SEPTIN14: variants seen among roughly 807,000 people sequenced by gnomAD.
The protein encoded by SEPTIN14 is septin-14.
Under a neutral mutation model 53.6 loss-of-function variants are expected in SEPTIN14, and 40 were observed. That is an observed-to-expected ratio of 0.75 (90% CI 0.58 to 0.97). The LOEUF (loss-of-function observed/expected upper bound fraction) is 0.97. Among genes scored for constraint, SEPTIN14 ranks in the 50% least tolerant of loss-of-function variants. The pLI is 0.00. For missense variants in SEPTIN14, 471 were observed against 508.2 expected (o/e 0.93, Z 0.70); for synonymous variants, 138 against 166.8 (o/e 0.83, Z 1.33).
At chr7:55,831,044 A>AT (rs1442679909) in intron 6 of SEPTIN14, among the ~76,000 whole-genome samples, 1 of 152,168 alleles carries the variant, frequency 6.6e-6, no homozygotes, top group Non-Finnish European at 1.5e-5. Flanking sequence ...TCATTTTTTC[A>AT]CAGAATTAGA....
At chr7:55,822,487 C>CA (rs1417724807) in intron 6 of SEPTIN14, among the ~76,000 whole-genome samples, 1 of 151,708 alleles carries the variant, frequency 6.6e-6, no homozygotes, top group Non-Finnish European at 1.5e-5. Flanking sequence ...ACATACTATT[C>CA]AACCTCAGGA....
chr7:55,798,814 G>A (rs554789399), intron 9 of SEPTIN14: 122 of 173,382 alleles, frequency 7.0e-4, no homozygotes, highest in African/African-American at 2.7e-3. Flanking sequence ...AACAAGGACC[G>A]AAAGAAGTCC....
intron 5 of SEPTIN14, among the ~76,000 whole-genome samples, chr7:55,835,542 T>A (rs1036297745): frequency 2.0e-5 from 3 of 152,062 alleles, no homozygotes; most frequent in African/African-American, 7.2e-5. Flanking sequence ...TTAAGCTGAG[T>A]GATAAAAGAC....
At chr7:55,796,205 T>G in intron 9 of SEPTIN14, 113 bp from the exon 10 acceptor site, 1 of 680,216 alleles carries the variant, frequency 1.5e-6, no homozygotes, top group Non-Finnish European at 2.5e-6. Flanking sequence ...TAGAGCATGA[T>G]CTTAATAACA....
At chr7:55,844,256 A>C (rs1789363269) in intron 4 of SEPTIN14, among the ~76,000 whole-genome samples, 1 of 152,220 alleles carries the variant, frequency 6.6e-6, no homozygotes, top group African/African-American at 2.4e-5. Flanking sequence ...AAATTTGTAC[A>C]AATAAAGTTA....
intron 9 of SEPTIN14, chr7:55,798,664 T>C (rs1282437615): frequency 1.6e-5 from 5 of 311,418 alleles, no homozygotes; most frequent in Non-Finnish European, 2.5e-5. Flanking sequence ...CACCAGGCTC[T>C]GGCAGGGCCC....
At chr7:55,838,026 G>T (rs776891892) in intron 5 of SEPTIN14, among the ~76,000 whole-genome samples, 3 of 152,158 alleles carry the variant, frequency 2.0e-5, no homozygotes, top group Non-Finnish European at 2.9e-5. Context: ...AATTCCTTCT[G>T]TATGGATAAA....
intron 6 of SEPTIN14, among the ~76,000 whole-genome samples, chr7:55,827,444 G>C (rs148943182): frequency 1.3e-4 from 20 of 152,284 alleles, no homozygotes; most frequent in Middle Eastern, 6.8e-3. Context: ...TATGAACTGA[G>C]AGTCATGAAC....
At chr7:55,804,613 G>A (rs1400645901) in intron 9 of SEPTIN14, among the ~76,000 whole-genome samples, 1 of 152,012 alleles carries the variant, frequency 6.6e-6, no homozygotes, top group African/African-American at 2.4e-5. Context: ...CTGGCCTATA[G>A]CACCTAATTA....
chr7:55,806,164 A>AT (rs925385388), intron 8 of SEPTIN14, among the ~76,000 whole-genome samples: 13 of 151,270 alleles, frequency 8.6e-5, no homozygotes, highest in Admixed American at 1.3e-4. Context: ...CGCCCAGCTA[A>AT]TTTTTTTTGT....
chr7:55,796,872 C>T (rs1239792929), intron 9 of SEPTIN14, among the ~76,000 whole-genome samples: 1 of 151,978 alleles, frequency 6.6e-6, no homozygotes, highest in Non-Finnish European at 1.5e-5. Context: ...CACCTGTAAT[C>T]CCAGCACTTT....
chr7:55,853,212 A>G (rs2116072391), intron 2 of SEPTIN14, among the ~76,000 whole-genome samples: 1 of 152,264 alleles, frequency 6.6e-6, no homozygotes, highest in East Asian at 1.9e-4. Context: ...AGTACATTGA[A>G]GAGATATCTA....
intron 9 of SEPTIN14, among the ~76,000 whole-genome samples, chr7:55,804,447 C>T (rs1298313144): frequency 1.3e-5 from 2 of 151,674 alleles, no homozygotes; most frequent in African/African-American, 4.8e-5. Flanking sequence ...TTAGTTGAGA[C>T]GGGGTTTCAC....
chr7:55,796,184 AATC>A (rs1373863660), intron 9 of SEPTIN14, 92 bp from the exon 10 acceptor site: 1 of 791,290 alleles, frequency 1.3e-6, no homozygotes, highest in African/African-American at 1.7e-5. Context: ...AACAAACCCA[AATC>A]ATCACAGTAG....
chr7:55,806,468 T>C (rs1293950736), intron 8 of SEPTIN14, among the ~76,000 whole-genome samples: 1 of 113,652 alleles, frequency 8.8e-6, no homozygotes, highest in African/African-American at 5.4e-5. Context: ...TCTTTTTTTT[T>C]CTTTTTTTTT....
intron 5 of SEPTIN14, among the ~76,000 whole-genome samples, chr7:55,842,320 T>C (rs1789326205): frequency 6.6e-6 from 1 of 152,018 alleles, no homozygotes; most frequent in Admixed American, 6.6e-5. Context: ...TCATGAAAGG[T>C]TGAGACCAGG....
At position 55,822,999 on chromosome 7, in the gene SEPTIN14, A is replaced by G. The variant is rs971322049; in HGVS notation, c.721-3776T>C. ...CCCTCGGCTGATACAAAAAATTGCA[A>G]GTTAGCTCACTGCCACTGATAGTGG... is the stretch of plus-strand genomic sequence containing the variant. On this transcript the variant is annotated intron_variant, in intron 6 of 9. Coordinates refer to ENST00000388975, the MANE Select transcript of SEPTIN14 (RefSeq NM_207366.3). Among the ~76,000 whole-genome samples the G allele has an allele frequency of 9.9e-5, 15 of 152,202 alleles. 1 individual carries two copies. The highest frequency in any genetic ancestry group is 9.2e-4 in the Admixed American group (14 of 15,282).
intron 3 of SEPTIN14, among the ~76,000 whole-genome samples, chr7:55,845,372 G>A (rs1789385589): frequency 6.6e-6 from 1 of 152,084 alleles, no homozygotes; most frequent in Non-Finnish European, 1.5e-5. Context: ...ATACTACACA[G>A]CCATGAAAAA....
intron 2 of SEPTIN14, among the ~76,000 whole-genome samples, chr7:55,854,979 A>T (rs1409274945): frequency 6.6e-6 from 1 of 152,078 alleles, no homozygotes; most frequent in Non-Finnish European, 1.5e-5. Flanking sequence ...CTATAGGAAT[A>T]AAATAATGAA....
Sources: gnomAD v4.1 joint callset for allele counts (sites outside exome capture counted in the v4.1 genomes callset) on GRCh38, gnomAD v4.1.1 for gene constraint, MANE v1.5 for transcripts, NCBI Gene and HGNC (gene_info 2026-07-23, HGNC 2026-07-21) for gene names.